Variants in WDPCP observed in about 807,000 individuals in gnomAD.
The protein encoded by WDPCP is WD repeat-containing and planar cell polarity effector protein fritz homolog.
A neutral mutation model predicts 93.1 loss-of-function variants in WDPCP; 71 were observed. That is an observed-to-expected ratio of 0.76 (90% CI 0.63 to 0.93). The LOEUF (loss-of-function observed/expected upper bound fraction) is 0.93. Ranked by LOEUF, WDPCP falls within the 40% of genes least tolerant of loss-of-function variation. WDPCP has a pLI of 0.00. For synonymous variants in WDPCP, 315 were observed against 315.0 expected, an observed-to-expected ratio of 1.00 and a Z score of 0.00; for missense variants, 844 against 887.4, an observed-to-expected ratio of 0.95 and a Z score of 0.62.
chr2:63,558,532 A>G (rs1706315670), intron 1 of WDPCP, among the ~76,000 whole-genome samples: 1 of 8,996 alleles, frequency 1.1e-4, no homozygotes, highest in Non-Finnish European at 1.7e-4. Flanking sequence ...TGTCTCAAAA[A>G]AAAAAAAAAA....
chr2:63,598,956 CT>C (rs1709369166), intron 3 of WDPCP, among the ~76,000 whole-genome samples: 1 of 148,594 alleles, frequency 6.7e-6, no homozygotes, highest in Admixed American at 6.7e-5. Context: ...TGTAACTTTT[CT>C]ATAAATCTGA....
Position 63,224,639 on chromosome 2 carries a change from T to G in WDPCP, c.1915+34668A>C, listed in dbSNP as rs554904221. On this transcript the variant is annotated intron_variant, in intron 14 of 17. Coordinates refer to ENST00000272321, the MANE Select transcript of WDPCP (RefSeq NM_015910.7). Reference sequence around the variant, plus strand: ...TATCACCAAGTGAAAGAAGCCAATCTGAAAAGGCTGTATGATTCCAACTAT... The same window carrying G: ...TATCACCAAGTGAAAGAAGCCAATCGGAAAAGGCTGTATGATTCCAACTAT... Among the ~76,000 whole-genome samples, 3 of 151,976 alleles carry G rather than the reference T, an allele frequency of 2.0e-5. No individual in the cohort carries two copies. The East Asian group carries it at 5.8e-4, about 29-fold the overall frequency.
At chr2:63,347,799 TTG>T (rs1227789260) in intron 12 of WDPCP, among the ~76,000 whole-genome samples, 2 of 148,068 alleles carry the variant, frequency 1.4e-5, no homozygotes, top group African/African-American at 5.0e-5. Context: ...TGACTTTTGA[TTG>T]TGGCCCTCCC....
chr2:63,370,804 T>C (rs767330884), intron 12 of WDPCP, among the ~76,000 whole-genome samples: 5 of 152,124 alleles, frequency 3.3e-5, no homozygotes, highest in Non-Finnish European at 5.9e-5. Context: ...GTTCATTGTA[T>C]TCCCTTTGCT....
intron 1 of WDPCP, among the ~76,000 whole-genome samples, chr2:63,503,740 A>G (rs1471464126): frequency 6.6e-6 from 1 of 152,124 alleles, no homozygotes; most frequent in Non-Finnish European, 1.5e-5. Context: ...TTGAAGAGAA[A>G]ATAAATTGAA....
At chr2:63,184,776 G>A (rs1674498398) in intron 14 of WDPCP, among the ~76,000 whole-genome samples, 1 of 152,088 alleles carries the variant, frequency 6.6e-6, no homozygotes, top group Non-Finnish European at 1.5e-5. Context: ...TAAAATTAGG[G>A]AAATTTTCAT....
intron 12 of WDPCP, among the ~76,000 whole-genome samples, chr2:63,314,042 C>T (rs1686432097): frequency 6.6e-6 from 1 of 150,578 alleles, no homozygotes; most frequent in African/African-American, 2.5e-5. Context: ...CCATGCCCAG[C>T]TAATTTTTGT....
chr2:63,798,045 GA>G (rs1670641340), intron 2 of WDPCP, among the ~76,000 whole-genome samples: 1 of 151,792 alleles, frequency 6.6e-6, no homozygotes, highest in Non-Finnish European at 1.5e-5. Context: ...AGTGCTGAAG[GA>G]AAAAAACTTT....
In WDPCP at chr2:63,526,636, C is replaced by T. The variant is rs1703359743; in HGVS notation, c.76-33696G>A. 2.6e-5 allele frequency among the ~76,000 whole-genome samples: 4 copies of T among 152,162 alleles called. No homozygotes were observed. The South Asian group carries it at 8.3e-4, about 31-fold the overall frequency. ...TATCAAGCTCATTCCTGCTTCAGAGCCTTTGTATTTGATGTTCTTTTATGT... is the reference window on the plus strand; with the variant it reads ...TATCAAGCTCATTCCTGCTTCAGAGTCTTTGTATTTGATGTTCTTTTATGT... On this transcript the variant is annotated intron_variant, in intron 1 of 17. Coordinates refer to ENST00000272321, the MANE Select transcript of WDPCP (RefSeq NM_015910.7).
chr2:63,609,076 GT>G (rs1195475279), intron 3 of WDPCP, among the ~76,000 whole-genome samples: 2 of 152,094 alleles, frequency 1.3e-5, no homozygotes, highest in African/African-American at 4.8e-5. Context: ...TGTTAAAAAT[GT>G]GCTAATGGGC....
At chr2:63,513,982 G>C (rs897800503) in intron 1 of WDPCP, among the ~76,000 whole-genome samples, 1 of 151,722 alleles carries the variant, frequency 6.6e-6, no homozygotes, top group Non-Finnish European at 1.5e-5. Flanking sequence ...CTCTTATAAT[G>C]GGTGAGGAAA....
At chr2:63,125,630 C>T (rs770880784) in intron 17 of WDPCP, among the ~76,000 whole-genome samples, 12 of 152,094 alleles carry the variant, frequency 7.9e-5, no homozygotes, top group South Asian at 2.1e-4. Context: ...TTTAATAAGA[C>T]GGTGTCTTGC....
intron 3 of WDPCP, among the ~76,000 whole-genome samples, chr2:63,631,726 G>A (rs1156279673): frequency 1.3e-5 from 2 of 152,200 alleles, no homozygotes; most frequent in African/African-American, 4.8e-5. Context: ...GGGAGTAAAG[G>A]CAAGGCATAG....
At chr2:63,678,311 T>C (rs1041447542) in intron 2 of WDPCP, among the ~76,000 whole-genome samples, 1 of 152,182 alleles carries the variant, frequency 6.6e-6, no homozygotes, top group Non-Finnish European at 1.5e-5. Context: ...GTTCTCCATT[T>C]AGGGGGGAAA....
chr2:63,798,919 G>A (rs1041110226), intron 2 of WDPCP, among the ~76,000 whole-genome samples: 1 of 152,030 alleles, frequency 6.6e-6, no homozygotes, highest in Non-Finnish European at 1.5e-5. Context: ...AAACAGATTC[G>A]GAGTAGCTAT....
intron 1 of WDPCP, among the ~76,000 whole-genome samples, chr2:63,503,953 A>G (rs970097382): frequency 2.6e-5 from 4 of 151,868 alleles, no homozygotes; most frequent in Non-Finnish European, 5.9e-5. Context: ...TAGAAAAGAT[A>G]GTGGAAAATT....
At chr2:63,356,725 A>G (rs1690042899) in intron 12 of WDPCP, among the ~76,000 whole-genome samples, 1 of 152,230 alleles carries the variant, frequency 6.6e-6, no homozygotes. Context: ...TTTGAAAATA[A>G]TAAGAACAAA....
At chr2:63,313,226 A>G (rs1686313380) in intron 13 of WDPCP, 22 bp downstream of exon 13, 1 of 1,611,552 alleles carries the variant, frequency 6.2e-7, no homozygotes, top group African/African-American at 1.3e-5. Flanking sequence ...AAGGCACAAA[A>G]TCATCTCTGA....
chr2:63,160,741 C>G (rs995154729), intron 15 of WDPCP, among the ~76,000 whole-genome samples: 1 of 151,980 alleles, frequency 6.6e-6, no homozygotes, highest in Non-Finnish European at 1.5e-5. Context: ...ATTTCACAAC[C>G]CCTAATAAAA....
Sources: gnomAD v4.1 joint callset for allele counts (sites outside exome capture counted in the v4.1 genomes callset) on GRCh38, gnomAD v4.1.1 for gene constraint, MANE v1.5 for transcripts, NCBI Gene and HGNC (gene_info 2026-07-23, HGNC 2026-07-21) for gene names.